The following NLGN1 variants were observed in gnomAD, a reference collection of about 807,000 sequenced individuals.
The protein encoded by NLGN1 is neuroligin 1, also known as neuroligin-1.
In NLGN1, 12 loss-of-function variants were observed where a neutral mutation model predicts 65.5. That is an observed-to-expected ratio of 0.18 (90% CI 0.12 to 0.30). The LOEUF is 0.30. Among genes scored for constraint, NLGN1 ranks in the 10% least tolerant of loss-of-function variants. The probability of loss-of-function intolerance (pLI) is 1.00; values close to 1 mark genes in which losing one functional copy is unlikely to be tolerated. For synonymous variants in NLGN1, 350 were observed against 359.5 expected, an observed-to-expected ratio of 0.97 and a Z score of 0.30; for missense variants, 750 against 1,007.1, an observed-to-expected ratio of 0.74 and a Z score of 3.46.
At chr3:173,923,691 AG>A (rs1742485815) in intron 4 of NLGN1, among the ~76,000 whole-genome samples, 1 of 152,186 alleles carries the variant, frequency 6.6e-6, no homozygotes, top group African/African-American at 2.4e-5. Context: ...AAAAATCCTT[AG>A]ATCATTAAGT....
chr3:174,274,404 A>G (rs915338086), intron 4 of NLGN1, among the ~76,000 whole-genome samples: 1 of 151,844 alleles, frequency 6.6e-6, no homozygotes, highest in Non-Finnish European at 1.5e-5. Flanking sequence ...TTTCATATGT[A>G]AAACAGTTAC....
chr3:173,853,300 C>A (rs191486641), intron 4 of NLGN1, among the ~76,000 whole-genome samples: 18 of 152,260 alleles, frequency 1.2e-4, no homozygotes, highest in African/African-American at 4.3e-4. Flanking sequence ...GTTCCCATTG[C>A]TGATGCTTAT....
intron 4 of NLGN1, among the ~76,000 whole-genome samples, chr3:173,865,210 T>C (rs1452740426): frequency 1.3e-5 from 2 of 152,206 alleles, no homozygotes; most frequent in Non-Finnish European, 2.9e-5. Flanking sequence ...TAATCCTTTC[T>C]TTAGGTGTTT....
At chr3:174,226,500 T>A (rs1739724557) in intron 4 of NLGN1, among the ~76,000 whole-genome samples, 1 of 152,104 alleles carries the variant, frequency 6.6e-6, no homozygotes, top group African/African-American at 2.4e-5. Flanking sequence ...AAGTAATGAT[T>A]TTAAGTTCTA....
intron 4 of NLGN1, among the ~76,000 whole-genome samples, chr3:173,927,817 C>T (rs148162558): frequency 6.6e-6 from 1 of 152,168 alleles, no homozygotes; most frequent in East Asian, 1.9e-4. Flanking sequence ...GTCACAGAAA[C>T]AGGCTTTCTT....
chr3:174,113,451 A>T (rs944737123), intron 4 of NLGN1, among the ~76,000 whole-genome samples: 3 of 152,070 alleles, frequency 2.0e-5, no homozygotes, highest in Admixed American at 2.0e-4. Context: ...ATTCAAATGT[A>T]TTCTACTCTA....
intron 1 of NLGN1, among the ~76,000 whole-genome samples, chr3:173,422,602 C>T (rs1715305472): frequency 6.6e-6 from 1 of 152,100 alleles, no homozygotes; most frequent in African/African-American, 2.4e-5. Context: ...AGTTTACAAA[C>T]CTTCCTCTTT....
At chr3:173,818,193 C>G (rs1250591122) in intron 4 of NLGN1, among the ~76,000 whole-genome samples, 1 of 152,146 alleles carries the variant, frequency 6.6e-6, no homozygotes, top group Non-Finnish European at 1.5e-5. Flanking sequence ...CAGCCTCAAT[C>G]CTTCCTCTCT....
chr3:173,990,057 A>T (rs1027676710), intron 4 of NLGN1, among the ~76,000 whole-genome samples: 1 of 152,188 alleles, frequency 6.6e-6, no homozygotes, highest in Admixed American at 6.5e-5. Flanking sequence ...GTAGGGATGG[A>T]TGATGTTGTT....
At chr3:173,464,867 TTTTTTTTTGTGGACTA>T (rs758207372) in intron 2 of NLGN1, among the ~76,000 whole-genome samples, 2 of 93,118 alleles carry the variant, frequency 2.1e-5, no homozygotes, top group Admixed American at 1.3e-4. Context: ...TCTAGAACTA[TTTTTTTTTGTGGACTA>T]TTTTTTTTCT....
intron 4 of NLGN1, among the ~76,000 whole-genome samples, chr3:174,155,905 CTTTAA>C (rs1725357296): frequency 6.6e-6 from 1 of 151,796 alleles, no homozygotes; most frequent in South Asian, 2.1e-4. Flanking sequence ...AAAGTTATTC[CTTTAA>C]TTTGTTTCCT....
chr3:174,127,018 A>C (rs1719086984), intron 4 of NLGN1, among the ~76,000 whole-genome samples: 1 of 152,148 alleles, frequency 6.6e-6, no homozygotes, highest in Admixed American at 6.6e-5. Flanking sequence ...AGTAGGGTAT[A>C]TCTCACCATT....
At chr3:173,943,339 A>G (rs753213980) in intron 4 of NLGN1, among the ~76,000 whole-genome samples, 1 of 152,196 alleles carries the variant, frequency 6.6e-6, no homozygotes, top group Non-Finnish European at 1.5e-5. Flanking sequence ...TGCAACCCCA[A>G]CATTGTCCTT....
chr3:173,495,614 T>C (rs1576971927), intron 2 of NLGN1, among the ~76,000 whole-genome samples: 1 of 151,356 alleles, frequency 6.6e-6, no homozygotes, highest in East Asian at 1.9e-4. Flanking sequence ...AGCTGTAGCA[T>C]TTTCTAGCAC....
intron 3 of NLGN1, among the ~76,000 whole-genome samples, chr3:173,767,515 A>G (rs1329481282): frequency 1.3e-5 from 2 of 152,034 alleles, no homozygotes; most frequent in East Asian, 1.9e-4. Flanking sequence ...TTAGAAAATA[A>G]TAAATACTAA....
intron 3 of NLGN1, among the ~76,000 whole-genome samples, chr3:173,675,887 T>TCTCTCTCTCTCACACACACACA (rs756157881): frequency 2.9e-5 from 4 of 138,640 alleles, no homozygotes; most frequent in African/African-American, 8.4e-5. Context: ...TCTCTCTCTC[T>TCTCTCTCTCTCACACACACACA]CACACACACA....
At chr3:173,512,868 G>A (rs1357769800) in intron 2 of NLGN1, among the ~76,000 whole-genome samples, 1 of 152,180 alleles carries the variant, frequency 6.6e-6, no homozygotes, top group Non-Finnish European at 1.5e-5. Context: ...GTTGAAAGAT[G>A]AGCTTGATGT....
chr3:173,691,721 C>G (rs1166779022), intron 3 of NLGN1, among the ~76,000 whole-genome samples: 3 of 151,998 alleles, frequency 2.0e-5, no homozygotes, highest in Non-Finnish European at 2.9e-5. Flanking sequence ...GTGGTGTTAT[C>G]TAGTTGGATT....
intron 3 of NLGN1, among the ~76,000 whole-genome samples, chr3:173,723,624 T>C (rs1218624776): frequency 6.6e-6 from 1 of 152,198 alleles, no homozygotes; most frequent in African/African-American, 2.4e-5. Context: ...TGCCACCTGG[T>C]TCACGGTGAA....
Sources: gnomAD v4.1 joint callset for allele counts (sites outside exome capture counted in the v4.1 genomes callset) on GRCh38, gnomAD v4.1.1 for gene constraint, MANE v1.5 for transcripts, NCBI Gene and HGNC (gene_info 2026-07-23, HGNC 2026-07-21) for gene names.